The following NXPE4 variants were observed in gnomAD, a reference collection of about 807,000 sequenced individuals.
The protein encoded by NXPE4 is NXPE family member 4.
NXPE4 carries 42 observed loss-of-function variants against 33.3 expected under a neutral mutation model. That is an observed-to-expected ratio of 1.26 (90% CI 0.98 to 1.63). The LOEUF (loss-of-function observed/expected upper bound fraction) is 1.63. Among genes scored for constraint, NXPE4 ranks in the 40% most tolerant of loss-of-function variants. The pLI, the probability that NXPE4 is intolerant of heterozygous loss-of-function variation, is 0.00. For synonymous variants in NXPE4, 253 were observed against 234.9 expected, an observed-to-expected ratio of 1.08 and a Z score of -0.71; for missense variants, 709 against 647.6, an observed-to-expected ratio of 1.09 and a Z score of -1.03.
chr11:114,660,626 G>C, the NXPE4 span, among the ~76,000 whole-genome samples: 1 of 151,894 alleles, frequency 6.6e-6, no homozygotes, highest in East Asian at 1.9e-4. Flanking sequence ...CTCGATAAAG[G>C]CATTTAGGAA....
At chr11:114,602,909 T>A in the NXPE4 span, among the ~76,000 whole-genome samples, 1 of 148,746 alleles carries the variant, frequency 6.7e-6, no homozygotes, top group East Asian at 2.0e-4. Context: ...AATTACAGAA[T>A]CATATATAAT....
chr11:114,582,424 A>C lies in NXPE4; in HGVS notation c.694T>G (p.Tyr232Asp). 6.2e-7 allele frequency: 1 copy of C among 1,614,176 alleles called. No homozygotes were observed. Among genetic ancestry groups the C allele is most frequent in the Non-Finnish European group, 8.5e-7 (1 of 1,179,992 alleles). ...ILNTNAELCQYLDNRDQEGFY... is the reference protein window; with the variant it reads ...ILNTNAELCQDLDNRDQEGFY... ...CCTTCTTGGTCTCTGTTGTCCAGGT[A>C]CTGGCACAATTCAGCATTTGTGTTT... is the stretch of plus-strand genomic sequence containing the variant. The change falls in exon 3 of 6, where the codon TAC becomes GAC. Residue 232 changes from tyrosine (Y) to aspartate (D), a missense_variant. By Grantham distance (160) the Tyr-to-Asp change is radical (BLOSUM62 -3). Coordinates refer to ENST00000375478, the MANE Select transcript of NXPE4 (RefSeq NM_001077639.2).
At chr11:114,574,651 T>C (rs954202518) in intron 5 of NXPE4, among the ~76,000 whole-genome samples, 1 of 152,022 alleles carries the variant, frequency 6.6e-6, no homozygotes, top group African/African-American at 2.4e-5. Flanking sequence ...ACCAGGAAGA[T>C]ATAGAATCTC....
the NXPE4 span, among the ~76,000 whole-genome samples, chr11:114,668,184 A>T: frequency 6.6e-6 from 1 of 151,998 alleles, no homozygotes. Context: ...CTGTTTTGTG[A>T]TTCTGTGGCT....
the NXPE4 span, among the ~76,000 whole-genome samples, chr11:114,635,464 C>T: frequency 9.2e-5 from 14 of 151,812 alleles, no homozygotes; most frequent in Non-Finnish European, 1.9e-4. Context: ...ATTTCCTTCT[C>T]CTGCGTAATT....
At chr11:114,572,763 A>C (rs1163092118) in intron 5 of NXPE4, among the ~76,000 whole-genome samples, 3 of 152,182 alleles carry the variant, frequency 2.0e-5, no homozygotes, top group Non-Finnish European at 4.4e-5. Context: ...GGAAGAAGAG[A>C]AATTTAAAAG....
At chr11:114,640,002 GTAA>G in the NXPE4 span, among the ~76,000 whole-genome samples, 953 of 115,448 alleles carry the variant, frequency 8.3e-3, 10 homozygotes, top group Non-Finnish European at 0.013. Context: ...GTTATATAAT[GTAA>G]TAATATATTA....
the NXPE4 span, among the ~76,000 whole-genome samples, chr11:114,626,932 A>C: frequency 6.6e-5 from 10 of 152,176 alleles, no homozygotes; most frequent in East Asian, 1.7e-3. Context: ...ATGGAAGATG[A>C]AATGAATGAA....
At chr11:114,629,817 G>A in the NXPE4 span, among the ~76,000 whole-genome samples, 1 of 150,552 alleles carries the variant, frequency 6.6e-6, no homozygotes, top group Non-Finnish European at 1.5e-5. Context: ...AGCAACTTCA[G>A]CAAAGTCTCA....
intron 2 of NXPE4, among the ~76,000 whole-genome samples, chr11:114,586,496 T>C (rs933202083): frequency 1.3e-5 from 2 of 152,326 alleles, no homozygotes; most frequent in African/African-American, 4.8e-5. Flanking sequence ...TTAGCGTGGC[T>C]ACCAGCCTTA....
intron 2 of NXPE4, among the ~76,000 whole-genome samples, chr11:114,593,664 A>G (rs1949514061): frequency 6.6e-6 from 1 of 152,156 alleles, no homozygotes; most frequent in Non-Finnish European, 1.5e-5. Context: ...CAGCAATCCC[A>G]CTGCTAGGTA....
the NXPE4 span, among the ~76,000 whole-genome samples, chr11:114,665,062 A>G: frequency 2.0e-5 from 3 of 152,192 alleles, no homozygotes; most frequent in Non-Finnish European, 4.4e-5. Flanking sequence ...ATCTGTACAC[A>G]GCATCACTAT....
intron 2 of NXPE4, among the ~76,000 whole-genome samples, chr11:114,588,139 C>A (rs955548693): frequency 2.6e-5 from 4 of 152,130 alleles, no homozygotes; most frequent in South Asian, 2.1e-4. Context: ...CTCCAGGGAA[C>A]TATCTGAGGC....
the NXPE4 span, among the ~76,000 whole-genome samples, chr11:114,626,669 G>A: frequency 9.8e-5 from 15 of 152,342 alleles, no homozygotes; most frequent in East Asian, 5.8e-4. Context: ...AAAGCTGGAC[G>A]GAGAATGACT....
At chr11:114,615,684 C>T in the NXPE4 span, among the ~76,000 whole-genome samples, 1 of 151,456 alleles carries the variant, frequency 6.6e-6, no homozygotes, top group Admixed American at 6.6e-5. Context: ...TAAGTGTTGC[C>T]TCTAGGGTAA....
chr11:114,668,529 C>A, the NXPE4 span, among the ~76,000 whole-genome samples: 1 of 152,022 alleles, frequency 6.6e-6, no homozygotes, highest in Non-Finnish European at 1.5e-5. Flanking sequence ...ACAGAAGGAA[C>A]CTCAGCCTTC....
the NXPE4 span, among the ~76,000 whole-genome samples, chr11:114,639,785 AAT>A: frequency 2.4e-5 from 3 of 126,676 alleles, no homozygotes; most frequent in African/African-American, 6.1e-5. Flanking sequence ...TATAAAATAT[AAT>A]ATATATTATA....
At chr11:114,613,514 G>A in the NXPE4 span, among the ~76,000 whole-genome samples, 1 of 151,822 alleles carries the variant, frequency 6.6e-6, no homozygotes, top group Non-Finnish European at 1.5e-5. Flanking sequence ...TGGATAATAA[G>A]TATTGCTTCG....
chr11:114,642,229 A>T, the NXPE4 span, among the ~76,000 whole-genome samples: 2 of 151,914 alleles, frequency 1.3e-5, no homozygotes, highest in African/African-American at 4.8e-5. Flanking sequence ...AGTTCAAAAA[A>T]CCCGGTCTAA....
Sources: allele counts gnomAD v4.1 joint callset (sites outside exome capture counted in the v4.1 genomes callset), GRCh38; gene constraint gnomAD v4.1.1; transcripts MANE v1.5; gene names NCBI Gene and HGNC (gene_info 2026-07-23, HGNC 2026-07-21).